The following TMEM156 variants were observed in gnomAD, a reference collection of about 807,000 sequenced individuals.
TMEM156 encodes transmembrane protein 156.
In TMEM156, 28 loss-of-function variants were observed where a neutral mutation model predicts 30.5. The observed-to-expected ratio is 0.92, with a 90% confidence interval of 0.68 to 1.26. The LOEUF (loss-of-function observed/expected upper bound fraction) is 1.26, where lower values mean the gene tolerates loss of function less well. TMEM156 is among the 50% of genes most tolerant of loss of function. TMEM156 has a pLI of 0.00. For missense variants in TMEM156, 351 were observed against 340.6 expected (o/e 1.03, Z -0.24); for synonymous variants, 137 against 119.9 (o/e 1.14, Z -0.93).
intron 5 of TMEM156, among the ~76,000 whole-genome samples, chr4:38,971,661 A>T (rs1722599754): frequency 1.3e-5 from 2 of 152,328 alleles, no homozygotes; most frequent in South Asian, 4.1e-4. Context: ...CTACATCATG[A>T]CATCTCGTTC....
intron 1 of TMEM156, among the ~76,000 whole-genome samples, chr4:39,025,970 ATTCAGCAAG>A (rs1715178690): frequency 6.6e-6 from 1 of 152,202 alleles, no homozygotes; most frequent in Non-Finnish European, 1.5e-5. Flanking sequence ...TAACAGTATG[ATTCAGCAAG>A]TTTGCTCCCT....
At chr4:38,968,459 A>C (rs1421753214) in intron 6 of TMEM156, among the ~76,000 whole-genome samples, 2 of 152,154 alleles carry the variant, frequency 1.3e-5, no homozygotes, top group African/African-American at 4.8e-5. Context: ...GGCTTCTCTA[A>C]TCTGACTCCT....
chr4:38,969,129 C>T (rs1178047967), intron 6 of TMEM156, among the ~76,000 whole-genome samples: 3 of 152,216 alleles, frequency 2.0e-5, no homozygotes, highest in African/African-American at 4.8e-5. Flanking sequence ...ATTATAGTCA[C>T]GCTACTGTGC....
chr4:38,982,357 A>G (rs1486717247), intron 5 of TMEM156, among the ~76,000 whole-genome samples: 1 of 152,180 alleles, frequency 6.6e-6, no homozygotes, highest in Non-Finnish European at 1.5e-5. Context: ...CTCAGCCTAG[A>G]GTTACTTTTG....
chr4:38,998,608 C>A, intron 2 of TMEM156, 32 bp downstream of exon 2: 1 of 1,564,186 alleles, frequency 6.4e-7, no homozygotes, highest in Non-Finnish European at 8.7e-7. Flanking sequence ...ATACCTGATA[C>A]CATTTTATTC....
chr4:38,982,294 C>T (rs1240853738), intron 5 of TMEM156, among the ~76,000 whole-genome samples: 1 of 152,146 alleles, frequency 6.6e-6, no homozygotes, highest in Non-Finnish European at 1.5e-5. Context: ...TGTAGGACCC[C>T]ACCTTGTGAT....
chr4:38,991,956 C>G (rs897139649), intron 3 of TMEM156, among the ~76,000 whole-genome samples: 3 of 152,174 alleles, frequency 2.0e-5, no homozygotes, highest in Non-Finnish European at 4.4e-5. Flanking sequence ...AGCCCCCACT[C>G]ATGCACACAC....
chr4:38,973,481 G>A (rs1489797191), intron 5 of TMEM156, among the ~76,000 whole-genome samples: 1 of 151,962 alleles, frequency 6.6e-6, no homozygotes, highest in African/African-American at 2.4e-5. Context: ...TTTAAATACA[G>A]TGTATCCTCT....
intron 1 of TMEM156, among the ~76,000 whole-genome samples, chr4:39,026,154 A>G (rs1328316149): frequency 6.6e-6 from 1 of 152,202 alleles, no homozygotes; most frequent in Non-Finnish European, 1.5e-5. Flanking sequence ...CATATAGGTG[A>G]TAAAATATAA....
intron 1 of TMEM156, among the ~76,000 whole-genome samples, chr4:39,017,745 C>A (rs181091664): frequency 6.6e-6 from 1 of 152,278 alleles, no homozygotes; most frequent in East Asian, 1.9e-4. Context: ...AAACTTCTAT[C>A]CATATATCCT....
chr4:39,012,778 A>G (rs1401012794), intron 1 of TMEM156, among the ~76,000 whole-genome samples: 6 of 152,140 alleles, frequency 3.9e-5, no homozygotes, highest in Non-Finnish European at 8.8e-5. Flanking sequence ...CATCTCTGCT[A>G]AAAATACAAA....
intron 5 of TMEM156, among the ~76,000 whole-genome samples, chr4:38,984,785 GCCATCACC>G (rs2109909835): frequency 6.6e-6 from 1 of 151,600 alleles, no homozygotes; most frequent in South Asian, 2.1e-4. Flanking sequence ...TTTTAAAAAG[GCCATCACC>G]CCTTGACCTA....
At chr4:39,011,775 A>AAAT (rs904329337) in intron 1 of TMEM156, among the ~76,000 whole-genome samples, 5 of 152,090 alleles carry the variant, frequency 3.3e-5, no homozygotes, top group African/African-American at 4.8e-5. Flanking sequence ...TCCATCTCAA[A>AAAT]AATAATAATA....
At chr4:38,977,414 C>G (rs1300222834) in intron 5 of TMEM156, among the ~76,000 whole-genome samples, 3 of 152,134 alleles carry the variant, frequency 2.0e-5, no homozygotes, top group Non-Finnish European at 4.4e-5. Flanking sequence ...AAGTAATTCT[C>G]TAGTGGGGCA....
intron 6 of TMEM156, 129 bp downstream of exon 6, chr4:38,970,903 G>A: frequency 1.7e-6 from 1 of 587,088 alleles, no homozygotes; most frequent in Admixed American, 3.1e-5. Context: ...TAATTCATAT[G>A]AACTGACTTT....
intron 1 of TMEM156, among the ~76,000 whole-genome samples, chr4:39,018,143 A>G (rs1011803653): frequency 6.6e-6 from 1 of 151,812 alleles, no homozygotes; most frequent in African/African-American, 2.4e-5. Context: ...ATGTGAGGTT[A>G]GATACTATAT....
intron 1 of TMEM156, among the ~76,000 whole-genome samples, chr4:39,004,240 T>C (rs1713575655): frequency 6.6e-6 from 1 of 152,042 alleles, no homozygotes; most frequent in Non-Finnish European, 1.5e-5. Flanking sequence ...CTGCAACCTC[T>C]CAGAGGAAGT....
At chr4:38,968,176 C>A (rs1051713992) in intron 6 of TMEM156, among the ~76,000 whole-genome samples, 1 of 152,208 alleles carries the variant, frequency 6.6e-6, no homozygotes. Flanking sequence ...CTCCACTAAC[C>A]TCTGCTGCTA....
intron 1 of TMEM156, among the ~76,000 whole-genome samples, chr4:39,006,732 C>T (rs988234662): frequency 2.0e-5 from 3 of 151,902 alleles, no homozygotes; most frequent in African/African-American, 4.8e-5. Context: ...GCCTGGCCAA[C>T]GTGGCAAAAC....
Sources: gnomAD v4.1 joint callset for allele counts (sites outside exome capture counted in the v4.1 genomes callset) on GRCh38, gnomAD v4.1.1 for gene constraint, MANE v1.5 for transcripts, NCBI Gene and HGNC (gene_info 2026-07-23, HGNC 2026-07-21) for gene names.